The following UPF3A variants were observed in gnomAD, a reference collection of about 807,000 sequenced individuals.
UPF3A encodes the protein regulator of nonsense transcripts 3A.
UPF3A carries 42 observed loss-of-function variants against 53.5 expected under a neutral mutation model. That is an observed-to-expected ratio of 0.78 (90% CI 0.61 to 1.01). UPF3A has a LOEUF of 1.01. Ranked by LOEUF, UPF3A falls within the 50% of genes least tolerant of loss-of-function variation. UPF3A has a pLI of 0.00. For missense variants in UPF3A, 575 were observed against 598.0 expected (o/e 0.96, Z 0.40); for synonymous variants, 237 against 225.3 (o/e 1.05, Z -0.47).
intron 7 of UPF3A, among the ~76,000 whole-genome samples, chr13:114,295,124 A>AG (rs1480074447): frequency 3.9e-4 from 59 of 150,372 alleles, no homozygotes; most frequent in Admixed American, 6.0e-4. Context: ...AAAAAAAAAA[A>AG]AAAAGAAAAG....
chr13:114,303,508 C>T (rs986153403), intron 9 of UPF3A, among the ~76,000 whole-genome samples: 8 of 152,036 alleles, frequency 5.3e-5, no homozygotes, highest in South Asian at 2.1e-4. Flanking sequence ...ATTGTCGGCC[C>T]GGTGCGGTGG....
intron 3 of UPF3A, chr13:114,285,377 C>G (rs2084577273): frequency 6.6e-6 from 1 of 152,240 alleles, no homozygotes; most frequent in South Asian, 2.1e-4. Context: ...GAATGAGTAT[C>G]CACTGTGTGC....
In UPF3A at chr13:114,282,894, C is replaced by T. The variant is rs749001805; in HGVS notation, c.372C>T (p.Ile124=). The part of the protein sequence containing the change: ...AYINFRNPDD[I]LLFRDRFDGY... ...TTAATTTTAGGAATCCTGATGACAT[C>T]CTTCTTTTTAGAGATCGTTTTGATG... The change falls in exon 3 of 10, where the codon ATC becomes ATT. Residue 124 remains isoleucine, a synonymous_variant. Coordinates refer to ENST00000375299, the MANE Select transcript of UPF3A (RefSeq NM_023011.4). 5.6e-6 allele frequency: 9 copies of T among 1,612,384 alleles called. No individual in the cohort carries two copies. Among genetic ancestry groups the T allele is most frequent in the South Asian group, 1.1e-5 (1 of 90,650 alleles).
Position 114,283,963 on chromosome 13 carries a change from T to C in UPF3A, c.421+1020T>C, listed in dbSNP as rs184705651. On this transcript the variant is annotated intron_variant, in intron 3 of 9. Transcript: ENST00000375299. ...GAAAGATTGTTAAAAAAATAAGCATTAGCCAAGCTAGTTCCTGTGACTAGA... is the reference window on the plus strand; with the variant it reads ...GAAAGATTGTTAAAAAAATAAGCATCAGCCAAGCTAGTTCCTGTGACTAGA... 790 of 985,434 alleles carry C rather than the reference T, an allele frequency of 8.0e-4. 3 individuals carry two copies. The African/African-American group carries it at 0.013, about 16-fold the overall frequency. The allele number at this position is 985,434 out of a possible 1,614,324, so 61.0% of individuals were successfully genotyped here.
At chr13:114,286,156 C>G in intron 3 of UPF3A, 146 bp from the exon 4 acceptor site, 1 of 1,055,666 alleles carries the variant, frequency 9.5e-7, no homozygotes, top group South Asian at 2.0e-5. Context: ...TTTTTAATCT[C>G]TTACTGGAAG....
At chr13:114,284,570 A>T (rs967864275) in intron 3 of UPF3A, among the ~76,000 whole-genome samples, 6 of 151,024 alleles carry the variant, frequency 4.0e-5, no homozygotes, top group Non-Finnish European at 5.9e-5. Context: ...ATCATGAGGC[A>T]TGCCTGTAAT....
intron 5 of UPF3A, 21 bp from the exon 6 acceptor site, chr13:114,291,468 A>G: frequency 1.9e-6 from 3 of 1,577,104 alleles, no homozygotes; most frequent in Non-Finnish European, 2.6e-6. Context: ...TAAATACAAT[A>G]TTACAATTTT....
At chr13:114,283,752 C>T in intron 3 of UPF3A, 1 of 985,492 alleles carries the variant, frequency 1.0e-6, no homozygotes. Context: ...TTCTAGGGTT[C>T]TGCTTTCATC....
intron 8 of UPF3A, among the ~76,000 whole-genome samples, chr13:114,301,248 T>G (rs1363813942): frequency 6.6e-6 from 1 of 151,934 alleles, no homozygotes; most frequent in African/African-American, 2.4e-5. Context: ...TATCATAAGG[T>G]CAGGAGATCG....
At chr13:114,289,989 C>A (rs146065631) in intron 5 of UPF3A, among the ~76,000 whole-genome samples, 370 of 152,266 alleles carry the variant, frequency 2.4e-3, no homozygotes, top group African/African-American at 5.4e-3. Context: ...TCAGGCTTTC[C>A]ACAGAGCAGA....
chr13:114,281,989 C>G (rs112035922), intron 1 of UPF3A, 32 bp from the exon 2 acceptor site: 1 of 1,529,360 alleles, frequency 6.5e-7, no homozygotes, highest in Non-Finnish European at 8.8e-7. Context: ...CCACGCTCCG[C>G]CCCGGTGGGA....
In UPF3A at chr13:114,282,054, A is replaced by C; in HGVS notation, c.241A>C (p.Lys81Gln). The C allele has an allele frequency of 6.3e-7, 1 of 1,576,112 alleles. No individual in the cohort carries two copies. The highest frequency in any genetic ancestry group is 1.7e-4 in the Middle Eastern group (1 of 5,918). ...CCGCCGCCTGCCTCCGGGCCTCACC[A>C]AGGAGCAGCTGGAGGAGCAGCTGCG... ...VIRRLPPGLT[K>Q]EQLEEQLRPL... Residue 81 changes from lysine to glutamine, a missense_variant, in exon 2 of 10, where the codon AAG becomes CAG. Around this residue, in one of 2 missense-constraint regions of UPF3A, gnomAD observed 252 missense variants for 182.7 expected, o/e 1.38. Transcript: ENST00000375299.
rs769029411 is a variant in UPF3A at position 114,286,677 on chromosome 13, G to T, written c.631+48G>T. ...CTTTTCTTTATTGAGAGATTTACTCGTAGAGGATATACGTTTTTTCTCTTT... is the reference window on the plus strand; with the variant it reads ...CTTTTCTTTATTGAGAGATTTACTCTTAGAGGATATACGTTTTTTCTCTTT... On this transcript the variant is annotated intron_variant, in intron 5 of 9. Transcript: ENST00000375299. 3 of 1,460,042 alleles carry T rather than the reference G, an allele frequency of 2.1e-6. No homozygotes were observed. In the East Asian group the frequency reaches 6.8e-5, roughly 33 times the overall value. The allele number at this position is 1,460,042 out of a possible 1,614,324, so 90.4% of individuals were successfully genotyped here. A position where few individuals can be genotyped will look rare whatever the true frequency, so the allele number is the denominator to read the frequency against.
At chr13:114,296,390 TAAAAA>T (rs1160633320) in intron 7 of UPF3A, among the ~76,000 whole-genome samples, 1 of 151,320 alleles carries the variant, frequency 6.6e-6, no homozygotes, top group Non-Finnish European at 1.5e-5. Context: ...TCAAAAAAAA[TAAAAA>T]AAATAGACGG....
At position 114,286,089 on chromosome 13, in the gene UPF3A, C is replaced by T. The variant is rs925778204; in HGVS notation, c.422-213C>T. The stretch of plus-strand genomic sequence containing the variant: ...ATCCTTGTTTAAGTCTGGAGTTTGC[C>T]GTGTTAAGGTTGCAGGTGCTTGAAA... On this transcript the variant is annotated intron_variant, in intron 3 of 9. Coordinates refer to ENST00000375299, the MANE Select transcript of UPF3A (RefSeq NM_023011.4). 20 of 537,056 alleles carry T rather than the reference C, an allele frequency of 3.7e-5. 1 individual carries two copies. In the South Asian group the frequency reaches 3.9e-4, roughly 10 times the overall value. The allele number at this position is 537,056 out of a possible 1,614,324, so 33.3% of individuals were successfully genotyped here.
intron 3 of UPF3A, chr13:114,284,247 A>T (rs1475110296): frequency 5.5e-6 from 1 of 181,180 alleles, no homozygotes; most frequent in African/African-American, 2.4e-5. Flanking sequence ...CTGTAGTCCC[A>T]GCTACTCGGA....
chr13:114,292,686 A>T (rs996347884), intron 7 of UPF3A, among the ~76,000 whole-genome samples: 1 of 152,062 alleles, frequency 6.6e-6, no homozygotes, highest in African/African-American at 2.4e-5. Flanking sequence ...TCACATGGGT[A>T]AATCAAGTGT....
chr13:114,291,856 CA>C, intron 7 of UPF3A, 64 bp downstream of exon 7: 2 of 1,494,472 alleles, frequency 1.3e-6, no homozygotes, highest in South Asian at 2.6e-5. Context: ...ACACTTTTTA[CA>C]TATCTTAGTT....
intron 3 of UPF3A, among the ~76,000 whole-genome samples, chr13:114,284,847 C>G (rs1002738010): frequency 3.3e-5 from 5 of 152,224 alleles, no homozygotes; most frequent in African/African-American, 1.2e-4. Flanking sequence ...GAGATGGGGT[C>G]TCACTATGTT....
Sources: allele counts gnomAD v4.1 joint callset (sites outside exome capture counted in the v4.1 genomes callset), GRCh38; gene constraint gnomAD v4.1.1; regional missense constraint gnomAD v4.1.1; transcripts MANE v1.5; gene names NCBI Gene and HGNC (gene_info 2026-07-23, HGNC 2026-07-21).